The following ARF4 variants were observed in gnomAD, a reference collection of about 807,000 sequenced individuals.
ARF4 encodes the protein ADP-ribosylation factor 4.
Under a neutral mutation model 24.3 loss-of-function variants are expected in ARF4, and 5 were observed. That is an observed-to-expected ratio of 0.21 (90% CI 0.11 to 0.43). ARF4 has a LOEUF of 0.43. ARF4 is among the 20% of genes least tolerant of loss of function. ARF4 has a pLI of 1.00. For missense variants in ARF4, 107 were observed against 213.0 expected, an observed-to-expected ratio of 0.50 and a Z score of 3.10; for synonymous variants, 62 against 73.5, an observed-to-expected ratio of 0.84 and a Z score of 0.80.
chr3:57,595,072 C>T (rs890399936), intron 1 of ARF4, among the ~76,000 whole-genome samples: 1 of 152,196 alleles, frequency 6.6e-6, no homozygotes, highest in Admixed American at 6.5e-5. Flanking sequence ...AAATCCTCCA[C>T]ACAAATGCAG....
At chr3:57,595,803 T>A (rs1048927362) in intron 1 of ARF4, among the ~76,000 whole-genome samples, 1 of 151,794 alleles carries the variant, frequency 6.6e-6, no homozygotes, top group Non-Finnish European at 1.5e-5. Context: ...TACAAAAAAT[T>A]AGCCAGGCGT....
chr3:57,586,099 A>T (rs1247798540), intron 1 of ARF4, among the ~76,000 whole-genome samples: 1 of 152,194 alleles, frequency 6.6e-6, no homozygotes, highest in Admixed American at 6.5e-5. Flanking sequence ...AAATGCTTGT[A>T]AGTATGAATC....
At chr3:57,575,706 C>A in intron 4 of ARF4, 33 bp from the exon 5 acceptor site, 1 of 1,570,102 alleles carries the variant, frequency 6.4e-7, no homozygotes. Context: ...TAACAACTAC[C>A]AACCGGAATC....
At chr3:57,582,400 G>A (rs1441834130) in intron 3 of ARF4, among the ~76,000 whole-genome samples, 3 of 150,234 alleles carry the variant, frequency 2.0e-5, no homozygotes, top group African/African-American at 7.3e-5. Flanking sequence ...GCGCCACCAC[G>A]CCCGGCTAAT....
chr3:57,593,672 T>C (rs760204736), intron 1 of ARF4, among the ~76,000 whole-genome samples: 25 of 152,226 alleles, frequency 1.6e-4, no homozygotes, highest in Non-Finnish European at 2.8e-4. Context: ...TTTGGATATA[T>C]ACATAATTTA....
At chr3:57,577,895 A>G (rs1039042292) in intron 3 of ARF4, among the ~76,000 whole-genome samples, 1 of 152,006 alleles carries the variant, frequency 6.6e-6, no homozygotes, top group African/African-American at 2.4e-5. Context: ...CTCTACAAAA[A>G]AATACAAAAA....
At chr3:57,573,667 G>A (rs1420288481) in intron 5 of ARF4, among the ~76,000 whole-genome samples, 3 of 151,888 alleles carry the variant, frequency 2.0e-5, no homozygotes, top group East Asian at 1.9e-4. Context: ...TACAACCTCC[G>A]CCTCACAGGC....
chr3:57,574,646 A>G (rs2069881147), intron 5 of ARF4, among the ~76,000 whole-genome samples: 1 of 151,970 alleles, frequency 6.6e-6, no homozygotes, highest in Non-Finnish European at 1.5e-5. Context: ...GCCTCAAGCA[A>G]TCCTCCTGCC....
chr3:57,573,400 A>C (rs2069863777), intron 5 of ARF4, among the ~76,000 whole-genome samples: 1 of 152,172 alleles, frequency 6.6e-6, no homozygotes, highest in Non-Finnish European at 1.5e-5. Context: ...GGCATAGTTT[A>C]CTTTTATTAA....
intron 3 of ARF4, 90 bp from the exon 4 acceptor site, chr3:57,577,477 G>T: frequency 1.1e-6 from 1 of 951,486 alleles, no homozygotes; most frequent in Non-Finnish European, 1.7e-6. Context: ...CCAATGGTTA[G>T]ACATTAGGAA....
chr3:57,582,899 AAGAG>A (rs761024462), intron 3 of ARF4, among the ~76,000 whole-genome samples: 1 of 152,212 alleles, frequency 6.6e-6, no homozygotes, highest in Non-Finnish European at 1.5e-5. Context: ...CCTCATATGT[AAGAG>A]AGTTAGATTA....
At chr3:57,584,705 G>C (rs1393196642) in intron 1 of ARF4, among the ~76,000 whole-genome samples, 6 of 152,118 alleles carry the variant, frequency 3.9e-5, no homozygotes, top group African/African-American at 1.4e-4. Context: ...CAAGTATGTA[G>C]CTGACTTAGG....
rs538601992 is a variant in ARF4 at position 57,579,451 on chromosome 3, C to A, written c.259-2064G>T. 1.6e-4 allele frequency among the ~76,000 whole-genome samples: 25 copies of A among 151,914 alleles called. 1 individual carries two copies. The South Asian group carries it at 5.2e-3, about 32-fold the overall frequency. ...TACAGGCGCCCACCATTACACCTGG[C>A]TAATTTTTGTATTTTTAGTAGAGAT... On this transcript the variant is annotated intron_variant, in intron 3 of 5. Coordinates refer to ENST00000303436, the MANE Select transcript of ARF4 (RefSeq NM_001660.4).
At chr3:57,589,314 GC>G (rs1239949070) in intron 1 of ARF4, among the ~76,000 whole-genome samples, 2 of 152,024 alleles carry the variant, frequency 1.3e-5, no homozygotes, top group African/African-American at 4.8e-5. Context: ...TATATTCCCA[GC>G]TACGTGGGAG....
chr3:57,588,316 G>T (rs1456388091), intron 1 of ARF4, among the ~76,000 whole-genome samples: 1 of 152,232 alleles, frequency 6.6e-6, no homozygotes, highest in African/African-American at 2.4e-5. Flanking sequence ...TGTAATCCTA[G>T]CACTTTGGGA....
chr3:57,580,936 C>G (rs1283111919), intron 3 of ARF4, among the ~76,000 whole-genome samples: 1 of 152,068 alleles, frequency 6.6e-6, no homozygotes, highest in Non-Finnish European at 1.5e-5. Flanking sequence ...GCAAATAATG[C>G]TATCAGTCCC....
At chr3:57,586,389 C>A (rs954703104) in intron 1 of ARF4, among the ~76,000 whole-genome samples, 3 of 152,172 alleles carry the variant, frequency 2.0e-5, no homozygotes, top group African/African-American at 7.2e-5. Context: ...CATTCCTATG[C>A]AAGTAAGTCT....
At chr3:57,577,138 A>C (rs1334576263) in intron 4 of ARF4, among the ~76,000 whole-genome samples, 178 bp downstream of exon 4, 1 of 151,966 alleles carries the variant, frequency 6.6e-6, no homozygotes, top group Non-Finnish European at 1.5e-5. Context: ...AAAACGCTCT[A>C]TAAGAGATTT....
intron 1 of ARF4, among the ~76,000 whole-genome samples, chr3:57,588,045 T>C (rs2070060392): frequency 6.6e-6 from 1 of 152,252 alleles, no homozygotes; most frequent in Non-Finnish European, 1.5e-5. Flanking sequence ...TTCTTATGTA[T>C]TTCCTTAATG....
Sources: allele counts gnomAD v4.1 joint callset (sites outside exome capture counted in the v4.1 genomes callset), GRCh38; gene constraint gnomAD v4.1.1; transcripts MANE v1.5; gene names NCBI Gene and HGNC (gene_info 2026-07-23, HGNC 2026-07-21).